DLGAP1: variants seen among roughly 807,000 people sequenced by gnomAD.
DLGAP1 encodes DLG associated protein 1.
Under a neutral mutation model 90.8 loss-of-function variants are expected in DLGAP1, and 11 were observed. The observed-to-expected ratio is 0.12, with a 90% CI of 0.08 to 0.20. The LOEUF is 0.20. Among genes scored for constraint, DLGAP1 ranks in the 10% least tolerant of loss-of-function variants. DLGAP1 has a pLI of 1.00. For missense variants in DLGAP1, 1,050 were observed against 1,333.8 expected, an observed-to-expected ratio of 0.79 and a Z score of 3.31; for synonymous variants, 558 against 540.7, an observed-to-expected ratio of 1.03 and a Z score of -0.44.
intron 1 of DLGAP1, among the ~76,000 whole-genome samples, chr18:4,267,856 G>A (rs11665555): frequency 0.025 from 3,882 of 152,254 alleles, 99 homozygotes; most frequent in African/African-American, 0.063. Flanking sequence ...CATGGCAGCC[G>A]GCTTCCCTGA....
intron 7 of DLGAP1, among the ~76,000 whole-genome samples, chr18:3,656,578 T>C (rs1290028731): frequency 2.0e-5 from 3 of 152,180 alleles, no homozygotes; most frequent in Non-Finnish European, 4.4e-5. Flanking sequence ...CTGGTAACTT[T>C]CTTCTCTGGG....
intron 5 of DLGAP1, among the ~76,000 whole-genome samples, chr18:3,761,324 A>T (rs925071612): frequency 6.6e-6 from 1 of 152,114 alleles, no homozygotes; most frequent in Non-Finnish European, 1.5e-5. Flanking sequence ...CACCTCATAT[A>T]AGTGGAATCA....
chr18:3,497,554 T>G lies in DLGAP1; in HGVS notation c.*1631A>C, dbSNP rs1303498729. ...TCATAAGTAAAATTAAATTAGCACC[T>G]GGCTATGAGAGTGTATTATTTTAAA... On this transcript the variant is annotated 3_prime_UTR_variant, in exon 13 of 13. Coordinates refer to ENST00000315677, the MANE Select transcript of DLGAP1 (RefSeq NM_004746.4). 6.6e-6 allele frequency: 1 copy of G among 152,220 alleles called. No homozygotes were observed. Among genetic ancestry groups the G allele is most frequent in the Non-Finnish European group, 1.5e-5 (1 of 68,040 alleles). 9.4% of individuals were successfully genotyped at this position (152,220 alleles called of 1,614,324 possible).
intron 3 of DLGAP1, among the ~76,000 whole-genome samples, chr18:3,931,544 A>G (rs1464061002): frequency 1.3e-5 from 2 of 152,214 alleles, no homozygotes; most frequent in Admixed American, 6.5e-5. Flanking sequence ...AAGGTAGGAC[A>G]TGAGAGTCTA....
chr18:4,190,337 T>C lies in DLGAP1; in HGVS notation c.-266-39050A>G, dbSNP rs141989999. ...CAAAACTATAGATACAATGAATTGA[T>C]CAGTGGTTGCCAGGGGTTCAGAAGG... On this transcript the variant is annotated intron_variant, in intron 1 of 12. Coordinates refer to ENST00000315677, the MANE Select transcript of DLGAP1 (RefSeq NM_004746.4). Among the ~76,000 whole-genome samples, 1,233 of 152,170 alleles carry C rather than the reference T, an allele frequency of 8.1e-3. 20 individuals are homozygous for C. Among genetic ancestry groups the C allele is most frequent in the African/African-American group, 0.029 (1,187 of 41,544 alleles).
At chr18:3,800,758 A>C (rs553557143) in intron 5 of DLGAP1, among the ~76,000 whole-genome samples, 38 of 152,270 alleles carry the variant, frequency 2.5e-4, no homozygotes, top group Admixed American at 1.0e-3. Context: ...TCTTCCCATT[A>C]TTTCTAAATA....
In DLGAP1 at chr18:3,514,274, T is replaced by C. The variant is rs538509788; in HGVS notation, c.2480-5613A>G. 3.9e-5 allele frequency among the ~76,000 whole-genome samples: 6 copies of C among 152,236 alleles called. No homozygotes were observed. The South Asian group carries it at 1.2e-3, about 32-fold the overall frequency. On this transcript the variant is annotated intron_variant, in intron 10 of 12. Coordinates refer to ENST00000315677, the MANE Select transcript of DLGAP1 (RefSeq NM_004746.4). ...GGCATGAGCCACTGTGCCCTGCCTCTCTGACTGCTTCTAATTCTTACATGA... is the reference window on the plus strand; with the variant it reads ...GGCATGAGCCACTGTGCCCTGCCTCCCTGACTGCTTCTAATTCTTACATGA...
chr18:4,120,713 TCCTTCCTTC>T (rs1032590976), intron 2 of DLGAP1, among the ~76,000 whole-genome samples: 7 of 143,500 alleles, frequency 4.9e-5, no homozygotes, highest in East Asian at 2.1e-4. Flanking sequence ...TTTCCTTCTT[TCCTTCCTTC>T]CCTTCCTTCC....
intron 4 of DLGAP1, among the ~76,000 whole-genome samples, chr18:3,866,863 T>TA (rs2070417992): frequency 2.0e-5 from 3 of 152,188 alleles, no homozygotes; most frequent in Non-Finnish European, 4.4e-5. Flanking sequence ...TTTATATATA[T>TA]TTTTTGAGAC....
intron 1 of DLGAP1, among the ~76,000 whole-genome samples, chr18:4,332,614 C>G (rs1174705070): frequency 1.3e-5 from 2 of 151,980 alleles, no homozygotes; most frequent in Middle Eastern, 3.4e-3. Context: ...AAACTAGAGG[C>G]AGAATGGACC....
intron 4 of DLGAP1, among the ~76,000 whole-genome samples, chr18:3,864,321 G>T (rs1298691207): frequency 6.6e-6 from 1 of 152,114 alleles, no homozygotes; most frequent in Admixed American, 6.5e-5. Flanking sequence ...GATCAAATTG[G>T]CATGGTTTAA....
At position 3,651,617 on chromosome 18, in the gene DLGAP1, C is replaced by T. The variant is rs112630061; in HGVS notation, c.1592-69369G>A. ...AGACCAGCCTGGCCAACAAGGCGAACCCCCGTCTCCACTAAAAATACAAAA... is the reference window on the plus strand; with the variant it reads ...AGACCAGCCTGGCCAACAAGGCGAATCCCCGTCTCCACTAAAAATACAAAA... On this transcript the variant is annotated intron_variant, in intron 7 of 12. Coordinates refer to ENST00000315677, the MANE Select transcript of DLGAP1 (RefSeq NM_004746.4). Among the ~76,000 whole-genome samples the T allele has an allele frequency of 7.6e-3, 1,152 of 151,486 alleles. 10 individuals carry two copies. The highest frequency in any genetic ancestry group is 0.026 in the African/African-American group (1,073 of 41,288).
At chr18:3,551,675 T>TCTTTTCCCCCCCC (rs1568180028) in intron 9 of DLGAP1, among the ~76,000 whole-genome samples, 2 of 56,136 alleles carry the variant, frequency 3.6e-5, no homozygotes. Context: ...CTTCTTTCTT[T>TCTTTTCCCCCCCC]TCCCTCCCCT....
intron 1 of DLGAP1, among the ~76,000 whole-genome samples, chr18:4,225,446 A>G (rs990507486): frequency 1.3e-5 from 2 of 152,040 alleles, no homozygotes; most frequent in African/African-American, 4.8e-5. Flanking sequence ...GACCTCACCA[A>G]ATGAACTAAA....
intron 5 of DLGAP1, among the ~76,000 whole-genome samples, chr18:3,803,957 CATATATATATATATATATATATAT>C (rs33952757): frequency 0.094 from 7,872 of 84,130 alleles, 449 homozygotes; most frequent in South Asian, 0.17. Flanking sequence ...TATGTAGGTT[CATATATATATATATATATATATAT>C]ATATATATAT....
chr18:3,681,958 A>T (rs566295978), intron 7 of DLGAP1, among the ~76,000 whole-genome samples: 2 of 151,912 alleles, frequency 1.3e-5, no homozygotes, highest in East Asian at 3.9e-4. Flanking sequence ...TCTCTACTAA[A>T]AATACAAAAA....
chr18:4,082,228 G>C (rs1361369548), intron 2 of DLGAP1, among the ~76,000 whole-genome samples: 2 of 151,236 alleles, frequency 1.3e-5, no homozygotes, highest in Non-Finnish European at 2.9e-5. Flanking sequence ...TGTAATCCCA[G>C]TTACTTGGGA....
At chr18:3,821,997 T>C in intron 4 of DLGAP1, 1 of 983,930 alleles carries the variant, frequency 1.0e-6, no homozygotes, top group Non-Finnish European at 1.2e-6. Context: ...TTAGCCTTTT[T>C]AGCTTGCTCT....
At chr18:3,638,985 T>C (rs1344154607) in intron 7 of DLGAP1, among the ~76,000 whole-genome samples, 1 of 152,196 alleles carries the variant, frequency 6.6e-6, no homozygotes, top group Non-Finnish European at 1.5e-5. Flanking sequence ...TAGTGATAAA[T>C]CCACAAGAAC....
Sources: allele counts gnomAD v4.1 joint callset (sites outside exome capture counted in the v4.1 genomes callset), GRCh38; gene constraint gnomAD v4.1.1; transcripts MANE v1.5; gene names NCBI Gene and HGNC (gene_info 2026-07-23, HGNC 2026-07-21).